The following AGO3 variants were observed in gnomAD, a reference collection of about 807,000 sequenced individuals.
AGO3 encodes the protein argonaute RISC catalytic component 3.
AGO3 carries 16 observed loss-of-function variants against 105.5 expected under a neutral mutation model. The ratio of observed to expected loss-of-function variants is 0.15; its 90% CI spans 0.10 to 0.23. The LOEUF (loss-of-function observed/expected upper bound fraction) is 0.23, where lower values mean the gene tolerates loss of function less well. Among genes scored for constraint, AGO3 ranks in the 10% least tolerant of loss-of-function variants. The pLI is 1.00. For synonymous variants in AGO3, 340 were observed against 367.3 expected, an observed-to-expected ratio of 0.93 and a Z score of 0.85; for missense variants, 534 against 1,088.0, an observed-to-expected ratio of 0.49 and a Z score of 7.16.
Position 35,995,209 on chromosome 1 carries a change from A to AAAT in AGO3, c.659-9131_659-9130insATA, listed in dbSNP as rs1237315557. 1.0e-3 allele frequency among the ~76,000 whole-genome samples: 118 copies of AAAT among 114,722 alleles called. 2 individuals carry two copies. Among genetic ancestry groups the AAAT allele is most frequent in the African/African-American group, 2.7e-3 (71 of 26,666 alleles). The allele number at this position is 114,722 out of a possible 152,430, so 75.3% of individuals were successfully genotyped here. On this transcript the variant is annotated intron_variant, in intron 5 of 18. Transcript: ENST00000373191. Reference sequence around the variant, plus strand: ...GAGCAAGACACTGTCTAAAAAAAAAAATATATATATATATATATATATATA... The same window carrying AAAT: ...GAGCAAGACACTGTCTAAAAAAAAAAAATATATATATATATATATATATATATA...
Position 36,055,271 on chromosome 1 carries a change from C to T in AGO3, c.2474+126C>T. Reference sequence around the variant, plus strand: ...TGAAAAATGATGACAGAACTGACTGCCCAAGGTTTCCTATTGAAATATATT... The same window carrying T: ...TGAAAAATGATGACAGAACTGACTGTCCAAGGTTTCCTATTGAAATATATT... On this transcript the variant is annotated intron_variant, in intron 18 of 18. Coordinates refer to ENST00000373191, the MANE Select transcript of AGO3 (RefSeq NM_024852.4). The surrounding 1 kb of genome is among the most constrained non-coding windows in gnomAD (Gnocchi z 4.4). 1.0e-6 allele frequency: 1 copy of T among 971,070 alleles called. No individual in the cohort carries two copies. 60.2% of individuals were successfully genotyped at this position (971,070 alleles called of 1,614,324 possible).
intron 12 of AGO3, among the ~76,000 whole-genome samples, chr1:36,029,321 G>T (rs1227133757): frequency 6.7e-6 from 1 of 150,128 alleles, no homozygotes; most frequent in Non-Finnish European, 1.5e-5. Context: ...AGAAATAATA[G>T]AAGAAATCAC....
At chr1:36,024,437 GACC>G (rs1641399019) in intron 11 of AGO3, among the ~76,000 whole-genome samples, 1 of 151,786 alleles carries the variant, frequency 6.6e-6, no homozygotes, top group African/African-American at 2.4e-5. Context: ...GCACTCTGCC[GACC>G]TTCTTGACAT....
At chr1:35,993,738 CTTT>C (rs141978570) in intron 5 of AGO3, among the ~76,000 whole-genome samples, 3 of 90,780 alleles carry the variant, frequency 3.3e-5, no homozygotes, top group African/African-American at 5.0e-5. Flanking sequence ...CCACCCCCTG[CTTT>C]TTTTTTTTTT....
At chr1:36,029,419 G>A (rs1204955486) in intron 12 of AGO3, among the ~76,000 whole-genome samples, 6 of 137,108 alleles carry the variant, frequency 4.4e-5, no homozygotes, top group African/African-American at 1.7e-4. Context: ...TTTTGAGAGA[G>A]AGTCTCGCTC....
intron 5 of AGO3, among the ~76,000 whole-genome samples, chr1:35,978,220 G>A (rs551356768): frequency 6.6e-6 from 1 of 151,820 alleles, no homozygotes; most frequent in Admixed American, 6.6e-5. Context: ...TTTGAGTTTT[G>A]CTCTTGTCAC....
At position 36,071,621 on chromosome 1, in the gene AGO3, C is replaced by CT. The variant is rs1025755919; in HGVS notation, c.*15882dup. On this transcript the variant is annotated 3_prime_UTR_variant, in exon 19 of 19. Coordinates refer to ENST00000373191, the MANE Select transcript of AGO3 (RefSeq NM_024852.4). Reference sequence around the variant, plus strand: ...CCCTCTGTCTTATGCCTGGCCTGGCCTTTTTTGTTGTTGTTGGCTTTTCAT... The same window carrying CT: ...CCCTCTGTCTTATGCCTGGCCTGGCCTTTTTTTGTTGTTGTTGGCTTTTCAT... 1 of 152,078 alleles carries CT rather than the reference C, an allele frequency of 6.6e-6. No individual in the cohort carries two copies. The highest frequency in any genetic ancestry group is 2.4e-5 in the African/African-American group (1 of 41,392). The allele number at this position is 152,078 out of a possible 1,614,324, so 9.4% of individuals were successfully genotyped here.
intron 11 of AGO3, among the ~76,000 whole-genome samples, chr1:36,021,636 A>G (rs1266303986): frequency 6.6e-6 from 1 of 152,210 alleles, no homozygotes; most frequent in Non-Finnish European, 1.5e-5. Context: ...GGTCAAAAAA[A>G]GACTTAATTT....
chr1:36,037,693 TATTA>T (rs931944778), intron 14 of AGO3, among the ~76,000 whole-genome samples: 81 of 152,352 alleles, frequency 5.3e-4, no homozygotes, highest in African/African-American at 1.8e-3. Flanking sequence ...AATTTTTATC[TATTA>T]ATTCTCTTGC....
At chr1:36,051,667 C>A (rs1000292843) in intron 17 of AGO3, among the ~76,000 whole-genome samples, 6 of 152,072 alleles carry the variant, frequency 3.9e-5, no homozygotes, top group African/African-American at 1.4e-4. Flanking sequence ...CTGCAATGAG[C>A]CTGGGCAACA....
intron 17 of AGO3, among the ~76,000 whole-genome samples, chr1:36,052,516 T>C (rs775958813): frequency 6.6e-6 from 1 of 152,170 alleles, no homozygotes; most frequent in Non-Finnish European, 1.5e-5. Flanking sequence ...TACCAACTTA[T>C]TGTATATTTT....
At chr1:35,950,863 A>G (rs1285067528) in intron 2 of AGO3, among the ~76,000 whole-genome samples, 1 of 152,248 alleles carries the variant, frequency 6.6e-6, no homozygotes, top group Non-Finnish European at 1.5e-5. Flanking sequence ...AAAATTATGT[A>G]TACAACATGA....
chr1:35,965,489 CAAAAA>C (rs1171759827), intron 2 of AGO3, among the ~76,000 whole-genome samples: 3 of 87,446 alleles, frequency 3.4e-5, no homozygotes, highest in Admixed American at 1.2e-4. Flanking sequence ...GACGCTGTCT[CAAAAA>C]AAAAAAAAAA....
At chr1:35,931,497 C>A in intron 1 of AGO3, 52 bp downstream of exon 1, 2 of 1,389,710 alleles carry the variant, frequency 1.4e-6, no homozygotes. Context: ...CTACTGTCCT[C>A]TGAGCATCCC....
rs1188304982 is a variant in AGO3, at chr1:36,056,255, T to A, written c.*510T>A. The A allele has an allele frequency of 6.5e-6, 1 of 152,852 alleles. No individual in the cohort carries two copies. The highest frequency in any genetic ancestry group is 1.5e-5 in the Non-Finnish European group (1 of 68,238). The allele number at this position is 152,852 out of a possible 1,614,324, so 9.5% of individuals were successfully genotyped here. Reference sequence around the variant, plus strand: ...CTTCATATGCATATATATCTAGATCTGGATTGATAATAGATATATATGTGT... The same window carrying A: ...CTTCATATGCATATATATCTAGATCAGGATTGATAATAGATATATATGTGT... On this transcript the variant is annotated 3_prime_UTR_variant, in exon 19 of 19. Transcript: ENST00000373191.
chr1:35,994,666 A>G (rs1351841809), intron 5 of AGO3, among the ~76,000 whole-genome samples: 1 of 152,236 alleles, frequency 6.6e-6, no homozygotes, highest in Non-Finnish European at 1.5e-5. Flanking sequence ...TAGAATTAGT[A>G]CATGAATTTA....
chr1:35,930,986 C>G (rs533888991), upstream of AGO3: 2 of 339,114 alleles, frequency 5.9e-6, no homozygotes, highest in East Asian at 4.5e-5. Context: ...GTCCTCCGCG[C>G]CGGCCGCTCC....
Position 36,055,864 on chromosome 1 carries a change from T to G in AGO3, c.*119T>G. 1 of 892,982 alleles carries G rather than the reference T, an allele frequency of 1.1e-6. No homozygotes were observed. The highest frequency in any genetic ancestry group is 1.7e-6 in the Non-Finnish European group (1 of 575,700). 55.3% of individuals were successfully genotyped at this position (892,982 alleles called of 1,614,324 possible). ...CAGCCATACAGAAACCAACACTGTG[T>G]GGGGGCCAAGGTCTGATCCTTATGT... On this transcript the variant is annotated 3_prime_UTR_variant, in exon 19 of 19. Transcript: ENST00000373191. The surrounding 1 kb of genome is among the most constrained non-coding windows in gnomAD (Gnocchi z 4.4).
Position 35,931,397 on chromosome 1 carries a change from T to G in AGO3, c.-30T>G. ...TTGCCGCCAGTGGCGGGCTCCGTTCTCCCTCGAAGCACTCCCCCCAGCTCC... is the reference window on the plus strand; with the variant it reads ...TTGCCGCCAGTGGCGGGCTCCGTTCGCCCTCGAAGCACTCCCCCCAGCTCC... On this transcript the variant is annotated 5_prime_UTR_variant, in exon 1 of 19. Transcript: ENST00000373191. The G allele has an allele frequency of 1.4e-6, 2 of 1,426,596 alleles. No homozygotes were observed. The highest frequency in any genetic ancestry group is 3.1e-5 in the South Asian group (2 of 64,818). The allele number at this position is 1,426,596 out of a possible 1,614,324, so 88.4% of individuals were successfully genotyped here.
Sources: gnomAD v4.1 joint callset for allele counts (sites outside exome capture counted in the v4.1 genomes callset) on GRCh38, gnomAD v4.1.1 for gene constraint, Gnocchi (gnomAD v3.1) non-coding constraint, MANE v1.5 for transcripts, NCBI Gene and HGNC (gene_info 2026-07-23, HGNC 2026-07-21) for gene names.